The following SAMD13 variants were observed in gnomAD, a reference collection of about 807,000 sequenced individuals.
The protein encoded by SAMD13 is sterile alpha motif domain containing 13.
Under a neutral mutation model 12.4 loss-of-function variants are expected in SAMD13, and 9 were observed. That is an observed-to-expected ratio of 0.72 (90% CI 0.44 to 1.26). The LOEUF (loss-of-function observed/expected upper bound fraction) is 1.26, where lower values mean the gene tolerates loss of function less well. SAMD13 is among the 50% of genes most tolerant of loss of function. SAMD13 has a pLI of 0.00. For synonymous variants in SAMD13, 46 were observed against 45.4 expected (o/e 1.01, Z -0.05); for missense variants, 84 against 119.6 (o/e 0.70, Z 1.39).
intron 2 of SAMD13, among the ~76,000 whole-genome samples, chr1:84,314,922 A>G (rs1678797059): frequency 6.6e-6 from 1 of 151,696 alleles, no homozygotes; most frequent in East Asian, 1.9e-4. Flanking sequence ...AGAGTGTGCT[A>G]TGGTTCTTCT....
Position 84,303,234 on chromosome 1 carries a change from C to G in SAMD13, c.-1C>G. On this transcript the variant is annotated 5_prime_UTR_variant, in exon 2 of 4. Coordinates refer to ENST00000394834, the MANE Select transcript of SAMD13 (RefSeq NM_001134663.2). ...AAGTAAAGGAACCCTGCAGCCTTCC[C>G]ATGCTATCTGTTGACATGGAAAACA... 1 of 1,613,098 alleles carries G rather than the reference C, an allele frequency of 6.2e-7. No individual in the cohort carries two copies. The highest frequency in any genetic ancestry group is 8.5e-7 in the Non-Finnish European group (1 of 1,179,242).
At chr1:84,314,976 C>CCCT (rs915927525) in intron 2 of SAMD13, among the ~76,000 whole-genome samples, 3 of 137,194 alleles carry the variant, frequency 2.2e-5, no homozygotes, top group Non-Finnish European at 4.7e-5. Flanking sequence ...CTCCTTCTGT[C>CCCT]CCTCCCTCCC....
chr1:84,330,316 A>G (rs1374035830), intron 3 of SAMD13, among the ~76,000 whole-genome samples: 1 of 152,206 alleles, frequency 6.6e-6, no homozygotes, highest in African/African-American at 2.4e-5. Context: ...AGTGCACAAC[A>G]CGGCACAAAA....
In SAMD13 at chr1:84,337,472, G is replaced by A. The variant is rs573985494; in HGVS notation, c.165+11724G>A. On this transcript the variant is annotated intron_variant, in intron 3 of 3. Coordinates refer to ENST00000394834, the MANE Select transcript of SAMD13 (RefSeq NM_001134663.2). ...TGAGGCTTGCACCCTCTGAAGCCAC[G>A]ACCCAAGCTCTACATTGGTCCCTTT... is the stretch of plus-strand genomic sequence containing the variant. Among the ~76,000 whole-genome samples, 7 of 152,176 alleles carry A rather than the reference G, an allele frequency of 4.6e-5. No individual in the cohort carries two copies. In the South Asian group the frequency reaches 6.2e-4, roughly 14 times the overall value.
chr1:84,344,489 GCATGTGAAGGATC>G (rs1179529321), intron 3 of SAMD13, among the ~76,000 whole-genome samples: 11 of 152,130 alleles, frequency 7.2e-5, no homozygotes, highest in Non-Finnish European at 1.3e-4. Context: ...GGGAGTGGAG[GCATGTGAAGGATC>G]CATACAACAA....
intron 1 of SAMD13, chr1:84,302,765 A>T: frequency 3.9e-6 from 3 of 776,742 alleles, no homozygotes; most frequent in Non-Finnish European, 3.1e-6. Context: ...AGCAAGGGGG[A>T]GTGGACAAAA....
chr1:84,311,909 C>CA (rs1678723854), intron 2 of SAMD13, among the ~76,000 whole-genome samples: 1 of 152,120 alleles, frequency 6.6e-6, no homozygotes, highest in South Asian at 2.1e-4. Flanking sequence ...ATACCTCAGG[C>CA]ATTGATTAGG....
intron 3 of SAMD13, chr1:84,345,276 A>G: frequency 2.2e-6 from 1 of 453,430 alleles, no homozygotes; most frequent in Non-Finnish European, 4.4e-6. Context: ...CATCATTGGT[A>G]AGAAGTTGCT....
At chr1:84,336,791 C>T (rs1424415832) in intron 3 of SAMD13, among the ~76,000 whole-genome samples, 5 of 152,190 alleles carry the variant, frequency 3.3e-5, no homozygotes, top group Non-Finnish European at 7.3e-5. Context: ...AAAGTCTCAT[C>T]CAAGACAAGG....
At chr1:84,316,380 C>G (rs1471998513) in intron 2 of SAMD13, among the ~76,000 whole-genome samples, 1 of 152,122 alleles carries the variant, frequency 6.6e-6, no homozygotes, top group Non-Finnish European at 1.5e-5. Flanking sequence ...TTTAATCCAT[C>G]TTGAGTTGAT....
intron 2 of SAMD13, among the ~76,000 whole-genome samples, chr1:84,313,147 G>T (rs1216457528): frequency 6.6e-6 from 1 of 151,998 alleles, no homozygotes; most frequent in Non-Finnish European, 1.5e-5. Context: ...GTATCCACAT[G>T]TATACATAAC....
chr1:84,299,815 C>T (rs1461935734), upstream of SAMD13, among the ~76,000 whole-genome samples: 2 of 152,038 alleles, frequency 1.3e-5, no homozygotes, highest in Non-Finnish European at 2.9e-5. Flanking sequence ...CTTCCTACAA[C>T]ACTTTCTGAA....
At chr1:84,336,422 T>C (rs1044664450) in intron 3 of SAMD13, among the ~76,000 whole-genome samples, 1 of 152,162 alleles carries the variant, frequency 6.6e-6, no homozygotes, top group Non-Finnish European at 1.5e-5. Context: ...CTCACAATCA[T>C]GGCAGAAGGC....
chr1:84,339,641 C>CGACAGAGAAGCGG (rs2101816864), intron 3 of SAMD13, among the ~76,000 whole-genome samples: 1 of 152,230 alleles, frequency 6.6e-6, no homozygotes, highest in Non-Finnish European at 1.5e-5. Context: ...GCAGTGGCAA[C>CGACAGAGAAGCGG]GGGATCTGTG....
intron 2 of SAMD13, among the ~76,000 whole-genome samples, chr1:84,311,277 A>G (rs1483740033): frequency 1.3e-5 from 2 of 150,658 alleles, no homozygotes; most frequent in African/African-American, 2.5e-5. Flanking sequence ...CAGAGGTTAC[A>G]TTGAGCTGAG....
At chr1:84,349,133 C>A (rs1036716836) in intron 3 of SAMD13, among the ~76,000 whole-genome samples, 1 of 152,178 alleles carries the variant, frequency 6.6e-6, no homozygotes. Flanking sequence ...AGTTCAAATT[C>A]TATGCACCCC....
At chr1:84,331,286 T>C (rs6701213) in intron 3 of SAMD13, among the ~76,000 whole-genome samples, 5,824 of 131,198 alleles carry the variant, frequency 0.044, 149 homozygotes, top group African/African-American at 0.075. Context: ...ATCCAGGTTC[T>C]GTGGAGCCTA....
chr1:84,346,084 A>G (rs1164774920), intron 3 of SAMD13, among the ~76,000 whole-genome samples: 1 of 152,160 alleles, frequency 6.6e-6, no homozygotes, highest in African/African-American at 2.4e-5. Context: ...AGTTACCTCA[A>G]TAATACTTGC....
intron 3 of SAMD13, among the ~76,000 whole-genome samples, chr1:84,333,594 G>A (rs916676884): frequency 2.0e-5 from 3 of 152,118 alleles, no homozygotes; most frequent in African/African-American, 7.2e-5. Flanking sequence ...TGTTGAAGTT[G>A]TTTATCAGCT....
Sources: gnomAD v4.1 joint callset for allele counts (sites outside exome capture counted in the v4.1 genomes callset) on GRCh38, gnomAD v4.1.1 for gene constraint, MANE v1.5 for transcripts, NCBI Gene and HGNC (gene_info 2026-07-23, HGNC 2026-07-21) for gene names.